Variants in DHX35 observed in about 807,000 individuals in gnomAD.
The protein encoded by DHX35 is DEAH-box helicase 35.
A neutral mutation model predicts 99.6 loss-of-function variants in DHX35; 84 were observed. The observed-to-expected ratio is 0.84, with a 90% CI of 0.71 to 1.01. The LOEUF is 1.01. Ranked by LOEUF, DHX35 falls within the 50% of genes least tolerant of loss-of-function variation. The pLI is 0.00. For missense variants in DHX35, 852 were observed against 888.5 expected, an observed-to-expected ratio of 0.96 and a Z score of 0.52; for synonymous variants, 331 against 316.2, an observed-to-expected ratio of 1.05 and a Z score of -0.50.
Position 39,038,561 on chromosome 20 carries a change from A to G in DHX35, c.*18A>G. ...ACCCGTGAGAGGAGCCCACAGCTAC[A>G]GCTGCAGGGACTGCTGGCGTCCTCT... On this transcript the variant is annotated 3_prime_UTR_variant, in exon 22 of 22. Transcript: ENST00000252011. The G allele has an allele frequency of 6.2e-7, 1 of 1,609,884 alleles. No homozygotes were observed. Among genetic ancestry groups the G allele is most frequent in the South Asian group, 1.1e-5 (1 of 90,874 alleles).
chr20:38,988,887 C>CTGCACCGACCAGCTGGCCACGAGAATTA lies in DHX35; in HGVS notation c.421_448dup (p.Lys150MetfsTer10). 6.2e-7 allele frequency: 1 copy of CTGCACCGACCAGCTGGCCACGAGAATTA among 1,613,530 alleles called. No individual in the cohort carries two copies. Among genetic ancestry groups the CTGCACCGACCAGCTGGCCACGAGAATTA allele is most frequent in the Non-Finnish European group, 8.5e-7 (1 of 1,179,642 alleles). On this transcript the variant is annotated frameshift_variant, in exon 5 of 22. Coordinates refer to ENST00000252011, the MANE Select transcript of DHX35 (RefSeq NM_021931.4). LOFTEE classifies it high-confidence loss of function. Reference sequence around the variant, plus strand: ...TGGGCTACTGCATCCGCTTTGATGACTGCACCGACCAGCTGGCCACGAGAA... The same window carrying CTGCACCGACCAGCTGGCCACGAGAATTA: ...TGGGCTACTGCATCCGCTTTGATGACTGCACCGACCAGCTGGCCACGAGAATTATGCACCGACCAGCTGGCCACGAGAA...
At chr20:39,025,149 A>G in intron 17 of DHX35, 81 bp from the exon 18 acceptor site, 1 of 1,466,668 alleles carries the variant, frequency 6.8e-7, no homozygotes, top group East Asian at 2.3e-5. Context: ...ATGGGGGAAG[A>G]GAGAAGAATG....
intron 8 of DHX35, among the ~76,000 whole-genome samples, chr20:38,997,783 G>A (rs2086453954): frequency 6.6e-6 from 1 of 152,118 alleles, no homozygotes; most frequent in African/African-American, 2.4e-5. Flanking sequence ...AAAGAAAGAG[G>A]ATATAAGTGG....
At chr20:38,973,677 C>T (rs898650637) in intron 3 of DHX35, among the ~76,000 whole-genome samples, 6 of 152,206 alleles carry the variant, frequency 3.9e-5, no homozygotes, top group South Asian at 2.1e-4. Flanking sequence ...TAGCAGGGTT[C>T]GGCAAGTCAC....
Position 38,987,856 on chromosome 20 carries a change from TTGTC to T in DHX35, c.346-953_346-950del, listed in dbSNP as rs1487743894. Among the ~76,000 whole-genome samples, 4 of 152,212 alleles carry T rather than the reference TTGTC, an allele frequency of 2.6e-5. 1 individual carries two copies. The highest frequency in any genetic ancestry group is 5.9e-5 in the Non-Finnish European group (4 of 68,034). On this transcript the variant is annotated intron_variant, in intron 4 of 21. Transcript: ENST00000252011. ...TGCCCCCTTTGTTTTAAACCTGAGTTTGTCTGTATTTCCCCTCTCAGTGGCTTTG... is the reference window on the plus strand; with the variant it reads ...TGCCCCCTTTGTTTTAAACCTGAGTTTGTATTTCCCCTCTCAGTGGCTTTG...
chr20:39,036,945 G>A (rs59033285), intron 21 of DHX35, among the ~76,000 whole-genome samples: 1 of 152,246 alleles, frequency 6.6e-6, no homozygotes, highest in South Asian at 2.1e-4. Flanking sequence ...ACTGAACACA[G>A]TGCAGCACCT....
At chr20:39,020,118 A>G (rs149159337) in intron 15 of DHX35, among the ~76,000 whole-genome samples, 180 of 152,352 alleles carry the variant, frequency 1.2e-3, no homozygotes, top group African/African-American at 4.0e-3. Flanking sequence ...ACATATTTAT[A>G]TAAACCACAT....
intron 5 of DHX35, among the ~76,000 whole-genome samples, chr20:38,991,141 C>T (rs547516752): frequency 6.6e-6 from 1 of 152,334 alleles, no homozygotes; most frequent in South Asian, 2.1e-4. Context: ...ACCAGTTAGT[C>T]TTCACTGCCT....
chr20:39,020,656 C>CTT lies in DHX35; in HGVS notation c.1499-1166_1499-1165dup, dbSNP rs57246257. Among the ~76,000 whole-genome samples, 45 of 105,218 alleles carry CTT rather than the reference C, an allele frequency of 4.3e-4. 2 individuals are homozygous for CTT. The highest frequency in any genetic ancestry group is 7.2e-3 in the Middle Eastern group (1 of 138). 69.0% of individuals were successfully genotyped at this position (105,218 alleles called of 152,430 possible). ...CAGCCTTCCATTTAGAAACAGGATT[C>CTT]TTTTTTTTTTTTTTTTTTTTGAGAC... On this transcript the variant is annotated intron_variant, in intron 15 of 21. Coordinates refer to ENST00000252011, the MANE Select transcript of DHX35 (RefSeq NM_021931.4).
intron 3 of DHX35, among the ~76,000 whole-genome samples, chr20:38,980,848 T>C (rs1008041910): frequency 6.6e-6 from 1 of 152,192 alleles, no homozygotes; most frequent in Non-Finnish European, 1.5e-5. Flanking sequence ...TCTAGGATCC[T>C]ACATTGCATT....
chr20:38,996,456 A>C (rs2086430720), intron 8 of DHX35, among the ~76,000 whole-genome samples: 1 of 152,202 alleles, frequency 6.6e-6, no homozygotes, highest in African/African-American at 2.4e-5. Context: ...TCAGCCAGAG[A>C]GGATGAACTC....
intron 13 of DHX35, among the ~76,000 whole-genome samples, chr20:39,010,956 A>G (rs559061416): frequency 6.6e-5 from 10 of 152,130 alleles, no homozygotes; most frequent in African/African-American, 2.4e-4. Flanking sequence ...ACCAATGTCA[A>G]CTCTAGCAGT....
intron 7 of DHX35, among the ~76,000 whole-genome samples, chr20:38,994,614 G>T (rs2086395554): frequency 6.9e-6 from 1 of 144,818 alleles, no homozygotes; most frequent in African/African-American, 2.6e-5. Context: ...TACAAAATTG[G>T]AAGTAATAGT....
intron 1 of DHX35, 41 bp downstream of exon 1, chr20:38,962,448 G>C: frequency 6.2e-7 from 1 of 1,604,158 alleles, no homozygotes; most frequent in Non-Finnish European, 8.5e-7. Context: ...GCGGCGGCCT[G>C]ACTTCGGTCT....
intron 4 of DHX35, among the ~76,000 whole-genome samples, chr20:38,986,093 T>C (rs1351055318): frequency 1.3e-5 from 2 of 152,166 alleles, no homozygotes; most frequent in Admixed American, 6.5e-5. Context: ...AATACAACAG[T>C]GTCTCGTCTA....
At chr20:38,975,934 C>A (rs1033707130) in intron 3 of DHX35, among the ~76,000 whole-genome samples, 1 of 152,126 alleles carries the variant, frequency 6.6e-6, no homozygotes, top group Non-Finnish European at 1.5e-5. Context: ...TATAATCCTC[C>A]CATAGGGATG....
In DHX35 at chr20:39,025,559, T is replaced by C. The variant is rs191100277; in HGVS notation, c.1801+200T>C. On this transcript the variant is annotated intron_variant, in intron 18 of 21. Coordinates refer to ENST00000252011, the MANE Select transcript of DHX35 (RefSeq NM_021931.4). ...TTTTCCAAGGAGGTCTATTTTTCTTTCTGATGGGCATTCTTACTAAAGGAA... is the reference window on the plus strand; with the variant it reads ...TTTTCCAAGGAGGTCTATTTTTCTTCCTGATGGGCATTCTTACTAAAGGAA... 1.1e-4 allele frequency among the ~76,000 whole-genome samples: 16 copies of C among 152,332 alleles called. 1 individual carries two copies. In the East Asian group the frequency reaches 2.7e-3, roughly 26 times the overall value.
intron 21 of DHX35, among the ~76,000 whole-genome samples, chr20:39,037,889 G>C (rs558485220): frequency 1.3e-5 from 2 of 151,864 alleles, no homozygotes; most frequent in Non-Finnish European, 2.9e-5. Context: ...ATTGTGCTTC[G>C]TGTTATTCAT....
chr20:38,969,884 A>G (rs2085967810), intron 2 of DHX35, among the ~76,000 whole-genome samples: 1 of 152,246 alleles, frequency 6.6e-6, no homozygotes, highest in Non-Finnish European at 1.5e-5. Flanking sequence ...CCACATGGGA[A>G]GCCAAATTGT....
Sources: gnomAD v4.1 joint callset for allele counts (sites outside exome capture counted in the v4.1 genomes callset) on GRCh38, gnomAD v4.1.1 for gene constraint, MANE v1.5 for transcripts, NCBI Gene and HGNC (gene_info 2026-07-23, HGNC 2026-07-21) for gene names.